KCNT2: variants seen among roughly 807,000 people sequenced by gnomAD.
The protein encoded by KCNT2 is potassium sodium-activated channel subfamily T member 2.
KCNT2 carries 67 observed loss-of-function variants against 153.8 expected under a neutral mutation model. That is an observed-to-expected ratio of 0.44 (90% CI 0.36 to 0.53). The LOEUF (loss-of-function observed/expected upper bound fraction) is 0.53. Among genes scored for constraint, KCNT2 ranks in the 20% least tolerant of loss-of-function variants. The probability of loss-of-function intolerance (pLI) is 0.00; values close to 1 mark genes in which losing one functional copy is unlikely to be tolerated. For synonymous variants in KCNT2, 500 were observed against 458.8 expected, an observed-to-expected ratio of 1.09 and a Z score of -1.15; for missense variants, 975 against 1,354.8, an observed-to-expected ratio of 0.72 and a Z score of 4.40.
chr1:196,498,323 T>C lies in KCNT2; in HGVS notation c.96-5982A>G, dbSNP rs142690525. Among the ~76,000 whole-genome samples, 847 of 152,306 alleles carry C rather than the reference T, an allele frequency of 5.6e-3. 6 individuals are homozygous for C. The highest frequency in any genetic ancestry group is 0.019 in the African/African-American group (785 of 41,584). Reference sequence around the variant, plus strand: ...AGTGCCTTGATACCTATTTAGGATATCAAACTTTTGTGGATAGTCTCTTTT... The same window carrying C: ...AGTGCCTTGATACCTATTTAGGATACCAAACTTTTGTGGATAGTCTCTTTT... On this transcript the variant is annotated intron_variant, in intron 1 of 27. Coordinates refer to ENST00000294725, the MANE Select transcript of KCNT2 (RefSeq NM_198503.5).
At chr1:196,547,032 T>G (rs1398787789) in intron 1 of KCNT2, among the ~76,000 whole-genome samples, 1 of 151,970 alleles carries the variant, frequency 6.6e-6, no homozygotes, top group Non-Finnish European at 1.5e-5. Flanking sequence ...TACAGGATTA[T>G]GCAACATAGA....
chr1:196,427,013 C>G (rs1473481791), intron 10 of KCNT2, among the ~76,000 whole-genome samples: 1 of 151,994 alleles, frequency 6.6e-6, no homozygotes, highest in African/African-American at 2.4e-5. Context: ...TTTCTTTATA[C>G]ATTATCCTCT....
chr1:196,305,921 A>T (rs79039196), intron 21 of KCNT2, among the ~76,000 whole-genome samples: 16 of 151,920 alleles, frequency 1.1e-4, no homozygotes, highest in Non-Finnish European at 2.4e-4. Context: ...GTATCCTGAA[A>T]TTTTTTTTCA....
chr1:196,561,672 A>AAAAAAAAAAAAAAAAAAAAAAAAC (rs1659419427), intron 1 of KCNT2, among the ~76,000 whole-genome samples: 1 of 34,738 alleles, frequency 2.9e-5, no homozygotes, highest in Non-Finnish European at 3.9e-4. Context: ...AAAAAAAAAA[A>AAAAAAAAAAAAAAAAAAAAAAAAC]AAAAAGAAGA....
intron 8 of KCNT2, among the ~76,000 whole-genome samples, chr1:196,449,044 T>C (rs1297174074): frequency 1.3e-5 from 2 of 151,638 alleles, no homozygotes; most frequent in African/African-American, 2.4e-5. Context: ...GAATTTATAA[T>C]CATAAAATGG....
Position 196,592,632 on chromosome 1 carries a change from T to C in KCNT2, c.95+15583A>G, listed in dbSNP as rs1385232084. ...TGTGCTATCAAATGCTTCCTAACCA[T>C]ATATATAGTTAGAAATACATATATA... On this transcript the variant is annotated intron_variant, in intron 1 of 27. Transcript: ENST00000294725. 2.0e-5 allele frequency among the ~76,000 whole-genome samples: 3 copies of C among 147,192 alleles called. No individual in the cohort carries two copies. The East Asian group carries it at 5.9e-4, about 29-fold the overall frequency.
intron 12 of KCNT2, among the ~76,000 whole-genome samples, chr1:196,410,982 T>A (rs935370159): frequency 2.7e-5 from 4 of 148,712 alleles, no homozygotes; most frequent in Non-Finnish European, 6.0e-5. Flanking sequence ...CTTACTCCCC[T>A]CCTTCTTTCC....
chr1:196,511,058 C>G (rs981086786), intron 1 of KCNT2, among the ~76,000 whole-genome samples: 3 of 151,342 alleles, frequency 2.0e-5, no homozygotes, highest in African/African-American at 4.9e-5. Flanking sequence ...TTCCCCCCAC[C>G]CTAAAGGAAG....
intron 8 of KCNT2, among the ~76,000 whole-genome samples, chr1:196,451,763 G>A (rs904303534): frequency 2.0e-5 from 3 of 151,572 alleles, no homozygotes; most frequent in Non-Finnish European, 4.4e-5. Context: ...ATCTGTATTT[G>A]TTATTTAAAT....
At chr1:196,327,138 G>C (rs1252982619) in intron 18 of KCNT2, among the ~76,000 whole-genome samples, 2 of 152,084 alleles carry the variant, frequency 1.3e-5, no homozygotes, top group Non-Finnish European at 2.9e-5. Flanking sequence ...CATTTTGTGT[G>C]TGTGCTTGTT....
At chr1:196,462,005 CA>C (rs1156795070) in intron 8 of KCNT2, among the ~76,000 whole-genome samples, 3 of 151,608 alleles carry the variant, frequency 2.0e-5, no homozygotes, top group Non-Finnish European at 4.4e-5. Flanking sequence ...CTTTCAGGCT[CA>C]AATTACAATG....
intron 15 of KCNT2, 35 bp from the exon 16 acceptor site, chr1:196,340,605 T>G (rs115660451): frequency 0.061 from 77,818 of 1,275,580 alleles, 2,888 homozygotes; most frequent in Non-Finnish European, 0.07. Flanking sequence ...TGTAAGAAAA[T>G]TAGTAAATTA....
chr1:196,318,259 T>A lies in KCNT2; in HGVS notation c.2348+1225A>T, dbSNP rs1662931639. Among the ~76,000 whole-genome samples the A allele has an allele frequency of 2.0e-5, 3 of 151,748 alleles. 1 individual carries two copies. In the South Asian group the frequency reaches 6.2e-4, roughly 31 times the overall value. ...AAGTGTAAAGAAGTGTTCATGAATG[T>A]GTTTTAATTCATTCAAAGAGGTATT... On this transcript the variant is annotated intron_variant, in intron 20 of 27. Coordinates refer to ENST00000294725, the MANE Select transcript of KCNT2 (RefSeq NM_198503.5).
intron 13 of KCNT2, among the ~76,000 whole-genome samples, chr1:196,393,067 C>A (rs1451888695): frequency 6.6e-6 from 1 of 151,366 alleles, no homozygotes; most frequent in East Asian, 1.9e-4. Context: ...CAATCAAATT[C>A]TGTGATATAT....
At chr1:196,514,621 C>T (rs1317843513) in intron 1 of KCNT2, among the ~76,000 whole-genome samples, 1 of 152,090 alleles carries the variant, frequency 6.6e-6, no homozygotes, top group African/African-American at 2.4e-5. Context: ...GTTGTATTTA[C>T]CTATAAACTT....
At chr1:196,282,512 C>T (rs1381268405) in intron 23 of KCNT2, among the ~76,000 whole-genome samples, 156 bp from the exon 24 acceptor site, 1 of 152,082 alleles carries the variant, frequency 6.6e-6, no homozygotes, top group Non-Finnish European at 1.5e-5. Context: ...TTTAATCTAT[C>T]TTGTTAGTAT....
intron 1 of KCNT2, among the ~76,000 whole-genome samples, chr1:196,519,901 A>C (rs890554064): frequency 9.2e-5 from 14 of 152,322 alleles, no homozygotes; most frequent in African/African-American, 3.1e-4. Flanking sequence ...TATTGAAACT[A>C]TTCCAAAAAA....
intron 14 of KCNT2, among the ~76,000 whole-genome samples, chr1:196,354,695 T>C (rs914438442): frequency 1.3e-5 from 2 of 151,876 alleles, no homozygotes; most frequent in African/African-American, 2.4e-5. Context: ...ATTCACTATA[T>C]TGATTGCAAG....
chr1:196,244,270 G>A (rs1171010137), intron 26 of KCNT2, among the ~76,000 whole-genome samples: 2 of 152,072 alleles, frequency 1.3e-5, no homozygotes, highest in African/African-American at 4.8e-5. Flanking sequence ...AACATTCCCA[G>A]CTGTGGTGGT....
Sources: gnomAD v4.1 joint callset for allele counts (sites outside exome capture counted in the v4.1 genomes callset) on GRCh38, gnomAD v4.1.1 for gene constraint, MANE v1.5 for transcripts, NCBI Gene and HGNC (gene_info 2026-07-23, HGNC 2026-07-21) for gene names.